Variants in PCDH15 observed in about 807,000 individuals in gnomAD.
PCDH15 encodes the protein protocadherin-15.
PCDH15 carries 129 observed loss-of-function variants against 178.5 expected under a neutral mutation model. That is an observed-to-expected ratio of 0.72 (90% CI 0.63 to 0.84). PCDH15 has a LOEUF of 0.84. Ranked by LOEUF, PCDH15 falls within the 40% of genes least tolerant of loss-of-function variation. The pLI is 0.00. For missense variants in PCDH15, 2,230 were observed against 2,099.9 expected, an observed-to-expected ratio of 1.06 and a Z score of -1.21; for synonymous variants, 800 against 732.0, an observed-to-expected ratio of 1.09 and a Z score of -1.50.
chr10:54,716,284 C>A (rs2095478895), intron 1 of PCDH15, among the ~76,000 whole-genome samples: 2 of 152,048 alleles, frequency 1.3e-5, no homozygotes, highest in South Asian at 4.1e-4. Context: ...AGGTATATAC[C>A]CACCTATTTT....
At chr10:54,706,481 C>T (rs1226446697) in intron 1 of PCDH15, among the ~76,000 whole-genome samples, 2 of 151,910 alleles carry the variant, frequency 1.3e-5, no homozygotes, top group African/African-American at 4.8e-5. Flanking sequence ...GATAAAATTC[C>T]TTAGATGGTA....
intron 13 of PCDH15, among the ~76,000 whole-genome samples, chr10:54,180,944 C>A (rs1412103322): frequency 1.3e-5 from 2 of 152,098 alleles, no homozygotes; most frequent in Non-Finnish European, 2.9e-5. Context: ...GGGAAATTAA[C>A]TTTTGTAGAC....
intron 2 of PCDH15, among the ~76,000 whole-genome samples, chr10:54,995,015 A>T (rs11004661): frequency 0.35 from 52,799 of 152,076 alleles, 10,620 homozygotes; most frequent in African/African-American, 0.54. Flanking sequence ...CTAAACATCT[A>T]AAGATATAAG....
intron 2 of PCDH15, among the ~76,000 whole-genome samples, chr10:55,046,975 A>G (rs914834578): frequency 3.3e-5 from 5 of 152,018 alleles, no homozygotes; most frequent in East Asian, 1.9e-4. Context: ...TCTATATTCA[A>G]TGTTGTTCTT....
chr10:55,232,154 A>G (rs1220077798), intron 1 of PCDH15, among the ~76,000 whole-genome samples: 1 of 151,932 alleles, frequency 6.6e-6, no homozygotes, highest in East Asian at 1.9e-4. Context: ...TGAATTTTAG[A>G]TATGTGAAGT....
intron 2 of PCDH15, among the ~76,000 whole-genome samples, chr10:54,918,210 A>G (rs1288017062): frequency 6.6e-6 from 1 of 152,154 alleles, no homozygotes; most frequent in Non-Finnish European, 1.5e-5. Flanking sequence ...AGCCTTTTCA[A>G]CTACCTTTGA....
intron 16 of PCDH15, among the ~76,000 whole-genome samples, chr10:54,086,917 A>G (rs1266345564): frequency 1.3e-5 from 2 of 152,170 alleles, no homozygotes; most frequent in Non-Finnish European, 2.9e-5. Flanking sequence ...TGACCCAGCC[A>G]TTATCTTTTT....
intron 2 of PCDH15, among the ~76,000 whole-genome samples, chr10:55,087,021 TC>T (rs1241951946): frequency 6.6e-6 from 1 of 152,082 alleles, no homozygotes; most frequent in African/African-American, 2.4e-5. Context: ...AATTATAAAA[TC>T]AAAGTTTTAC....
Position 53,823,361 on chromosome 10 carries a change from T to TGAAAGAAAAGAAGATAATG in PCDH15, c.4368-3150_4368-3132dup, listed in dbSNP as rs2076440717. ...GAAAATGGTAGAGAAGGAAAAGACT[T>TGAAAGAAAAGAAGATAATG]GAAAGAAAAGAAGATAATGAAATGT... is the stretch of plus-strand genomic sequence containing the variant. On this transcript the variant is annotated intron_variant, in intron 32 of 37. Coordinates refer to ENST00000644397, the MANE Select transcript of PCDH15 (RefSeq NM_001384140.1). 1.9e-6 allele frequency: 3 copies of TGAAAGAAAAGAAGATAATG among 1,611,388 alleles called. No homozygotes were observed. Among genetic ancestry groups the TGAAAGAAAAGAAGATAATG allele is most frequent in the Non-Finnish European group, 2.5e-6 (3 of 1,177,670 alleles).
chr10:54,480,648 T>C (rs2078653223), intron 3 of PCDH15, among the ~76,000 whole-genome samples: 1 of 152,016 alleles, frequency 6.6e-6, no homozygotes, highest in Non-Finnish European at 1.5e-5. Context: ...GTGGATGCTC[T>C]TAGTTGTATT....
chr10:54,168,516 C>T (rs1339116496), intron 13 of PCDH15, among the ~76,000 whole-genome samples: 1 of 152,200 alleles, frequency 6.6e-6, no homozygotes, highest in Non-Finnish European at 1.5e-5. Flanking sequence ...CGCCTCCCCT[C>T]CTCACACCTG....
chr10:54,781,666 AT>A (rs1158511561), intron 1 of PCDH15, among the ~76,000 whole-genome samples: 3 of 152,144 alleles, frequency 2.0e-5, no homozygotes, highest in African/African-American at 7.2e-5. Context: ...AAAAATTATT[AT>A]TTTCTAAATA....
intron 25 of PCDH15, chr10:53,905,075 A>G (rs1223276540): frequency 6.6e-6 from 3 of 455,878 alleles, no homozygotes; most frequent in African/African-American, 5.9e-5. Flanking sequence ...CTGGATGGTA[A>G]CCAAATCCTA....
At chr10:54,791,470 T>C (rs1033428245) in intron 1 of PCDH15, among the ~76,000 whole-genome samples, 4 of 151,908 alleles carry the variant, frequency 2.6e-5, no homozygotes, top group Non-Finnish European at 1.5e-5. Context: ...TTCTTAAAAT[T>C]TAAGGTCCAC....
chr10:54,378,850 A>T lies in PCDH15; in HGVS notation c.250T>A (p.Trp84Arg), dbSNP rs752604584. Residue 84 changes from tryptophan (W) to arginine (R), a missense_variant, in exon 4 of 38, where the codon TGG becomes AGG. Trp to Arg is a moderately radical substitution (Grantham distance 101). Coordinates refer to ENST00000644397, the MANE Select transcript of PCDH15 (RefSeq NM_001384140.1). ...TGCTTAACAGGATCCATCAACACCCAGTAATCCACATTATCCTTTAAAGAA... is the reference window on the plus strand; with the variant it reads ...TGCTTAACAGGATCCATCAACACCCTGTAATCCACATTATCCTTTAAAGAA... ...ELSLKDNVDYWVLMDPVKQML... is the reference protein window; with the variant it reads ...ELSLKDNVDYRVLMDPVKQML... The T allele has an allele frequency of 1.2e-6, 2 of 1,613,904 alleles. No homozygotes were observed. The highest frequency in any genetic ancestry group is 1.7e-6 in the Non-Finnish European group (2 of 1,179,876).
intron 2 of PCDH15, among the ~76,000 whole-genome samples, chr10:55,079,720 G>T (rs1211054949): frequency 1.3e-5 from 2 of 152,296 alleles, no homozygotes; most frequent in South Asian, 4.2e-4. Flanking sequence ...GAACGTTTGT[G>T]TTGGCAGTGG....
chr10:54,296,357 C>G (rs1159174646), intron 8 of PCDH15, among the ~76,000 whole-genome samples: 2 of 151,912 alleles, frequency 1.3e-5, no homozygotes, highest in Non-Finnish European at 2.9e-5. Context: ...AGGGTCCCAA[C>G]AACAAGTTGG....
chr10:54,299,272 AC>A (rs1312972177), intron 8 of PCDH15, among the ~76,000 whole-genome samples: 9 of 152,092 alleles, frequency 5.9e-5, no homozygotes, highest in Non-Finnish European at 5.9e-5. Flanking sequence ...AGACAGAGAG[AC>A]AGAGAGTCAA....
chr10:54,449,870 C>T (rs962809447), intron 3 of PCDH15, among the ~76,000 whole-genome samples: 3 of 151,428 alleles, frequency 2.0e-5, no homozygotes, highest in African/African-American at 7.3e-5. Context: ...GAATCCATCC[C>T]CCATGGATAC....
Sources: gnomAD v4.1 joint callset for allele counts (sites outside exome capture counted in the v4.1 genomes callset) on GRCh38, gnomAD v4.1.1 for gene constraint, MANE v1.5 for transcripts, NCBI Gene and HGNC (gene_info 2026-07-23, HGNC 2026-07-21) for gene names.